LDLRAD4: variants seen among roughly 807,000 people sequenced by gnomAD.
LDLRAD4 encodes low-density lipoprotein receptor class A domain-containing protein 4.
A neutral mutation model predicts 17.0 loss-of-function variants in LDLRAD4; 5 were observed. The ratio of observed to expected loss-of-function variants is 0.29; its 90% CI spans 0.15 to 0.62. The LOEUF (loss-of-function observed/expected upper bound fraction) is 0.62. Ranked by LOEUF, LDLRAD4 falls within the 20% of genes least tolerant of loss-of-function variation. LDLRAD4 has a pLI of 0.84. For synonymous variants in LDLRAD4, 168 were observed against 171.8 expected, an observed-to-expected ratio of 0.98 and a Z score of 0.17; for missense variants, 340 against 424.7, an observed-to-expected ratio of 0.80 and a Z score of 1.75.
chr18:13,245,713 G>A (rs147018515), intron 1 of LDLRAD4, among the ~76,000 whole-genome samples: 1 of 152,352 alleles, frequency 6.6e-6, no homozygotes, highest in Non-Finnish European at 1.5e-5. Context: ...GAGGCAATTG[G>A]AGTTTCTCAC....
chr18:13,430,344 C>T (rs896637478), intron 2 of LDLRAD4, among the ~76,000 whole-genome samples: 32 of 152,182 alleles, frequency 2.1e-4, no homozygotes, highest in African/African-American at 7.2e-4. Flanking sequence ...AGCAAAATCA[C>T]GAGAAGGTTA....
chr18:13,245,321 G>A (rs1039106764), intron 1 of LDLRAD4, among the ~76,000 whole-genome samples: 6 of 152,200 alleles, frequency 3.9e-5, no homozygotes, highest in East Asian at 1.9e-4. Flanking sequence ...GAGGGCAGCC[G>A]TGTGTAGTCT....
intron 3 of LDLRAD4, among the ~76,000 whole-genome samples, chr18:13,605,043 C>T (rs551619223): frequency 5.3e-5 from 8 of 152,278 alleles, no homozygotes; most frequent in African/African-American, 1.7e-4. Flanking sequence ...CTCATAGGGA[C>T]GGAGGCTTGG....
intron 1 of LDLRAD4, among the ~76,000 whole-genome samples, chr18:13,344,584 G>T (rs577109873): frequency 6.6e-6 from 1 of 152,118 alleles, no homozygotes; most frequent in African/African-American, 2.4e-5. Context: ...TTAGTTCCAT[G>T]TGAACTTTAA....
chr18:13,501,393 C>T (rs142087723), intron 3 of LDLRAD4: 3 of 152,284 alleles, frequency 2.0e-5, no homozygotes, highest in African/African-American at 7.2e-5. Flanking sequence ...GGCAGACAGC[C>T]GATTGCCATG....
At chr18:13,581,964 C>T (rs555881640) in intron 3 of LDLRAD4, among the ~76,000 whole-genome samples, 13 of 152,220 alleles carry the variant, frequency 8.5e-5, no homozygotes, top group South Asian at 4.1e-4. Flanking sequence ...GGTCCACCCC[C>T]GCCCATCCGT....
At chr18:13,269,482 C>T (rs1403280162) in intron 1 of LDLRAD4, among the ~76,000 whole-genome samples, 3 of 152,084 alleles carry the variant, frequency 2.0e-5, no homozygotes, top group Admixed American at 1.3e-4. Context: ...AAGCATGTCT[C>T]TATTTTCAAT....
chr18:13,636,878 A>G (rs1601849920), intron 4 of LDLRAD4, among the ~76,000 whole-genome samples: 1 of 151,506 alleles, frequency 6.6e-6, no homozygotes, highest in Non-Finnish European at 1.5e-5. Context: ...GCTCACTGCA[A>G]CCCCTGCCTC....
At chr18:13,547,682 C>T (rs7240993) in intron 3 of LDLRAD4, among the ~76,000 whole-genome samples, 28,409 of 152,182 alleles carry the variant, frequency 0.19, 2,791 homozygotes, top group African/African-American at 0.21. Context: ...AGGCATACCA[C>T]AAGCGGCTTC....
chr18:13,650,458 AC>A, exon 6 of LDLRAD4: 1 of 398,094 alleles, frequency 2.5e-6, no homozygotes, highest in Non-Finnish European at 4.4e-6. Flanking sequence ...ATGTAGATAT[AC>A]CCCTATCATG....
chr18:13,606,198 T>G (rs926479356), intron 3 of LDLRAD4, among the ~76,000 whole-genome samples: 2 of 152,154 alleles, frequency 1.3e-5, no homozygotes, highest in African/African-American at 4.8e-5. Flanking sequence ...TTATACTGCC[T>G]CCCATTTTCT....
At chr18:13,465,084 T>C (rs1314919856) in intron 3 of LDLRAD4, 1 of 152,034 alleles carries the variant, frequency 6.6e-6, no homozygotes, top group Non-Finnish European at 1.5e-5. Context: ...CTCCAGGGAG[T>C]GCTCTGTTCA....
intron 1 of LDLRAD4, among the ~76,000 whole-genome samples, chr18:13,272,712 G>A (rs949847127): frequency 6.6e-6 from 1 of 152,210 alleles, no homozygotes; most frequent in African/African-American, 2.4e-5. Context: ...GCAGCCTGTA[G>A]GAGCCATGGC....
intron 4 of LDLRAD4, among the ~76,000 whole-genome samples, chr18:13,630,466 A>G (rs2041567080): frequency 6.6e-6 from 1 of 152,236 alleles, no homozygotes; most frequent in Non-Finnish European, 1.5e-5. Context: ...GTGTTGCTGA[A>G]TATCCAAAGA....
intron 3 of LDLRAD4, chr18:13,462,055 C>A (rs2092452087): frequency 6.6e-6 from 1 of 152,198 alleles, no homozygotes; most frequent in African/African-American, 2.4e-5. Flanking sequence ...AGATCCTATT[C>A]TCCTGCCTCA....
chr18:13,648,750 C>A (rs1335235542), exon 6 of LDLRAD4: 1 of 152,070 alleles, frequency 6.6e-6, no homozygotes, highest in Non-Finnish European at 1.5e-5. Context: ...TTAGGAAGAA[C>A]ATTTGGTGGG....
At chr18:13,225,355 T>C (rs1030333052) in intron 1 of LDLRAD4, among the ~76,000 whole-genome samples, 4 of 152,134 alleles carry the variant, frequency 2.6e-5, no homozygotes, top group African/African-American at 9.7e-5. Flanking sequence ...CCCTCACAGC[T>C]CTTGAGCCAC....
intron 3 of LDLRAD4, among the ~76,000 whole-genome samples, chr18:13,450,326 A>ACGC (rs2091732119): frequency 1.5e-5 from 1 of 68,054 alleles, no homozygotes; most frequent in Non-Finnish European, 2.8e-5. Context: ...CTCTCCCCCC[A>ACGC]CCCCCCCCCC....
chr18:13,612,447 C>A (rs2039661347), intron 3 of LDLRAD4: 2 of 1,282,436 alleles, frequency 1.6e-6, no homozygotes, highest in Non-Finnish European at 2.0e-6. Flanking sequence ...TAATTGGTAG[C>A]CACAGTCTGC....
Sources: allele counts gnomAD v4.1 joint callset (sites outside exome capture counted in the v4.1 genomes callset), GRCh38; gene constraint gnomAD v4.1.1; transcripts MANE v1.5; gene names NCBI Gene and HGNC (gene_info 2026-07-23, HGNC 2026-07-21).